Variants in VEZT observed in about 807,000 individuals in gnomAD.
VEZT encodes vezatin, adherens junctions transmembrane protein, also known as vezatin.
A neutral mutation model predicts 79.9 loss-of-function variants in VEZT; 39 were observed. The observed-to-expected ratio is 0.49, with a 90% CI of 0.38 to 0.64. VEZT has a LOEUF of 0.64. Ranked by LOEUF, VEZT falls within the 30% of genes least tolerant of loss-of-function variation. VEZT has a pLI of 0.00. For synonymous variants in VEZT, 325 were observed against 327.6 expected, an observed-to-expected ratio of 0.99 and a Z score of 0.09; for missense variants, 837 against 893.1, an observed-to-expected ratio of 0.94 and a Z score of 0.80.
At chr12:95,257,277 T>G in intron 3 of VEZT, 38 bp downstream of exon 3, 1 of 1,440,762 alleles carries the variant, frequency 6.9e-7, no homozygotes, top group Non-Finnish European at 9.5e-7. Flanking sequence ...TTCAGGGTTC[T>G]AGGTTATTAG....
intron 7 of VEZT, among the ~76,000 whole-genome samples, chr12:95,276,995 C>A (rs529610339): frequency 3.9e-5 from 6 of 152,134 alleles, no homozygotes; most frequent in African/African-American, 1.4e-4. Context: ...TAAACCCATC[C>A]ACTTTTTTCT....
At chr12:95,233,693 T>G (rs1046545830) in intron 1 of VEZT, among the ~76,000 whole-genome samples, 4 of 152,220 alleles carry the variant, frequency 2.6e-5, no homozygotes, top group African/African-American at 7.2e-5. Context: ...TGAGCCACTG[T>G]GCCTGGCCAA....
intron 4 of VEZT, 108 bp downstream of exon 4, chr12:95,263,189 T>G: frequency 9.8e-7 from 1 of 1,023,012 alleles, no homozygotes; most frequent in African/African-American, 1.6e-5. Context: ...TCCATACATT[T>G]AGCAGTACAA....
intron 11 of VEZT, 49 bp from the exon 12 acceptor site, chr12:95,300,116 G>T (rs1330036060): frequency 9.0e-7 from 1 of 1,105,764 alleles, no homozygotes; most frequent in Non-Finnish European, 1.2e-6. Context: ...TTAAATCATT[G>T]CTAGGTCCTT....
At chr12:95,247,609 T>G (rs2061901701) in intron 1 of VEZT, among the ~76,000 whole-genome samples, 1 of 152,186 alleles carries the variant, frequency 6.6e-6, no homozygotes, top group Admixed American at 6.5e-5. Context: ...TAGACGTCCA[T>G]GTAAACAAAA....
chr12:95,224,181 T>G, intron 1 of VEZT: 1 of 456,092 alleles, frequency 2.2e-6, no homozygotes, highest in Non-Finnish European at 4.4e-6. Context: ...TCCATTTAGG[T>G]TCGGCCAGTG....
chr12:95,258,859 T>C (rs1313265805), intron 3 of VEZT, among the ~76,000 whole-genome samples: 1 of 152,202 alleles, frequency 6.6e-6, no homozygotes, highest in Non-Finnish European at 1.5e-5. Context: ...GAATAAGTTC[T>C]CTTCTTCATC....
intron 6 of VEZT, among the ~76,000 whole-genome samples, chr12:95,273,669 A>G (rs1256659329): frequency 1.3e-5 from 2 of 152,186 alleles, no homozygotes; most frequent in South Asian, 2.1e-4. Flanking sequence ...AAGTTTCCCT[A>G]TATCATTTTA....
At chr12:95,245,299 A>T (rs945123543) in intron 1 of VEZT, among the ~76,000 whole-genome samples, 1 of 152,144 alleles carries the variant, frequency 6.6e-6, no homozygotes, top group Non-Finnish European at 1.5e-5. Context: ...TTGTTTTACT[A>T]CCTGAACAAG....
Position 95,281,025 on chromosome 12 carries a change from T to C in VEZT, c.997-1288T>C, listed in dbSNP as rs76240212. Among the ~76,000 whole-genome samples the C allele has an allele frequency of 3.0e-3, 450 of 152,334 alleles. 4 individuals are homozygous for C. In the South Asian group the frequency reaches 0.037, roughly 12 times the overall value. ...TTTTAAAATTCATTTACTAAAACCA[T>C]CTAAATACTGTCTATTTTCATGGTT... On this transcript the variant is annotated intron_variant, in intron 7 of 11. Coordinates refer to ENST00000436874, the MANE Select transcript of VEZT (RefSeq NM_017599.4).
intron 1 of VEZT, among the ~76,000 whole-genome samples, chr12:95,250,154 T>C (rs951732574): frequency 1.3e-5 from 2 of 150,564 alleles, no homozygotes; most frequent in African/African-American, 4.9e-5. Context: ...CATGCTGGTG[T>C]GCTGCACCCA....
At position 95,300,278 on chromosome 12, in the gene VEZT, A is replaced by G. The variant is rs199683230; in HGVS notation, c.1945A>G (p.Asn649Asp). The change falls in exon 12 of 12, where the codon AAT (asparagine) becomes GAT (aspartate). Residue 649 changes from asparagine to aspartate, a missense_variant. By Grantham distance (23) the Asn-to-Asp change is conservative. Transcript: ENST00000436874. ...VSKNDTEEES[N>D]KSATTDNEIS... The stretch of plus-strand genomic sequence containing the variant: ...TAAAAATGATACTGAAGAGGAAAGT[A>G]ATAAATCCGCCACAACAGACAATGA... The G allele has an allele frequency of 6.3e-7, 1 of 1,599,798 alleles. No homozygotes were observed. The highest frequency in any genetic ancestry group is 1.3e-5 in the African/African-American group (1 of 74,790).
chr12:95,255,583 C>G (rs1381709117), intron 2 of VEZT, among the ~76,000 whole-genome samples: 1 of 152,108 alleles, frequency 6.6e-6, no homozygotes, highest in Non-Finnish European at 1.5e-5. Context: ...AGGTGCCCAC[C>G]ACCACGCCCG....
chr12:95,251,463 C>T (rs889005856), intron 1 of VEZT, among the ~76,000 whole-genome samples: 4 of 152,000 alleles, frequency 2.6e-5, no homozygotes, highest in Non-Finnish European at 4.4e-5. Flanking sequence ...GTAGATAATA[C>T]GTATTTGTGC....
chr12:95,247,200 A>G (rs1473156058), intron 1 of VEZT, among the ~76,000 whole-genome samples: 1 of 152,192 alleles, frequency 6.6e-6, no homozygotes, highest in Admixed American at 6.5e-5. Flanking sequence ...TGCATATTCT[A>G]CGTTAACATT....
At chr12:95,243,168 G>A (rs946407699) in intron 1 of VEZT, among the ~76,000 whole-genome samples, 19 of 152,114 alleles carry the variant, frequency 1.2e-4, no homozygotes, top group African/African-American at 4.3e-4. Flanking sequence ...GAGCTCAGGA[G>A]TTCCAGACCA....
intron 1 of VEZT, among the ~76,000 whole-genome samples, chr12:95,219,777 A>C (rs927916688): frequency 1.3e-5 from 2 of 152,270 alleles, no homozygotes; most frequent in African/African-American, 4.8e-5. Context: ...GGTTTCACCA[A>C]ATCCTCAACA....
chr12:95,244,558 C>T (rs112266445), intron 1 of VEZT, among the ~76,000 whole-genome samples: 1 of 151,554 alleles, frequency 6.6e-6, no homozygotes, highest in Non-Finnish European at 1.5e-5. Flanking sequence ...TTGGGTGATA[C>T]GTCACTTTAG....
chr12:95,240,290 C>A (rs2060845457), intron 1 of VEZT, among the ~76,000 whole-genome samples: 1 of 152,104 alleles, frequency 6.6e-6, no homozygotes, highest in Non-Finnish European at 1.5e-5. Context: ...TAGTTAATAT[C>A]TATGGCCCAG....
Sources: allele counts gnomAD v4.1 joint callset (sites outside exome capture counted in the v4.1 genomes callset), GRCh38; gene constraint gnomAD v4.1.1; transcripts MANE v1.5; gene names NCBI Gene and HGNC (gene_info 2026-07-23, HGNC 2026-07-21).